SORCS1: variants seen among roughly 807,000 people sequenced by gnomAD.
SORCS1 encodes the protein sortilin related VPS10 domain containing receptor 1.
SORCS1 carries 60 observed loss-of-function variants against 146.1 expected under a neutral mutation model. The ratio of observed to expected loss-of-function variants is 0.41; its 90% CI spans 0.33 to 0.51. SORCS1 has a LOEUF of 0.51. SORCS1 is among the 20% of genes least tolerant of loss of function. The pLI, the probability that SORCS1 is intolerant of heterozygous loss-of-function variation, is 0.21. For synonymous variants in SORCS1, 637 were observed against 584.0 expected, an observed-to-expected ratio of 1.09 and a Z score of -1.31; for missense variants, 1,352 against 1,487.6, an observed-to-expected ratio of 0.91 and a Z score of 1.50.
At chr10:106,583,750 C>T (rs1199268616) in intron 24 of SORCS1, among the ~76,000 whole-genome samples, 1 of 151,888 alleles carries the variant, frequency 6.6e-6, no homozygotes, top group Non-Finnish European at 1.5e-5. Flanking sequence ...CTTGAGTGAT[C>T]CACCCGCCTT....
chr10:107,016,142 G>A (rs570573847), intron 1 of SORCS1, among the ~76,000 whole-genome samples: 4 of 152,286 alleles, frequency 2.6e-5, no homozygotes, highest in Admixed American at 1.3e-4. Flanking sequence ...CAGTATGGAA[G>A]AATAGACAAA....
intron 2 of SORCS1, among the ~76,000 whole-genome samples, chr10:106,875,306 T>A (rs1217219801): frequency 6.6e-6 from 1 of 152,260 alleles, no homozygotes; most frequent in Non-Finnish European, 1.5e-5. Flanking sequence ...TTCCTTTTTA[T>A]GGCTGAATAG....
chr10:106,726,537 G>A (rs1856205436), intron 6 of SORCS1, among the ~76,000 whole-genome samples: 1 of 151,984 alleles, frequency 6.6e-6, no homozygotes, highest in South Asian at 2.1e-4. Flanking sequence ...AGAGAGTGAT[G>A]GCCTCATTGT....
In SORCS1 at chr10:106,960,685, G is replaced by A. The variant is rs2139054580; in HGVS notation, c.559-4105C>T. ...CAAAGTGCTGGGATTACAGGCGTGAGCCACTGCGCCCAGCCAGTCCATACT... is the reference window on the plus strand; with the variant it reads ...CAAAGTGCTGGGATTACAGGCGTGAACCACTGCGCCCAGCCAGTCCATACT... On this transcript the variant is annotated intron_variant, in intron 1 of 25. Coordinates refer to ENST00000263054, the MANE Select transcript of SORCS1 (RefSeq NM_052918.5). This position sits in a 1 kb window ranked among gnomAD's most constrained non-coding sequence, Gnocchi z 4.4. 6.6e-6 allele frequency among the ~76,000 whole-genome samples: 1 copy of A among 152,292 alleles called. No homozygotes were observed.
At chr10:106,897,378 A>G (rs1951530859) in intron 2 of SORCS1, among the ~76,000 whole-genome samples, 1 of 152,066 alleles carries the variant, frequency 6.6e-6, no homozygotes, top group African/African-American at 2.4e-5. Context: ...AGGTTTTTAG[A>G]ATTTATTGTC....
rs1033642096 is a variant in SORCS1 at position 106,673,054 on chromosome 10, A to G, written c.1941-69T>C. On this transcript the variant is annotated intron_variant, in intron 14 of 25. Coordinates refer to ENST00000263054, the MANE Select transcript of SORCS1 (RefSeq NM_052918.5). ...GTAATGAGTAATAACAACAGAGAGC[A>G]TTTGTGGGGCGTTCACCCTGAGCTA... The G allele has an allele frequency of 7.8e-6, 10 of 1,278,398 alleles. No homozygotes were observed. In the African/African-American group the frequency reaches 1.3e-4, roughly 17 times the overall value. 79.2% of individuals were successfully genotyped at this position (1,278,398 alleles called of 1,614,324 possible). A position where few individuals can be genotyped will look rare whatever the true frequency, so the allele number is the denominator to read the frequency against.
At chr10:106,713,803 C>T (rs1855167120) in intron 6 of SORCS1, among the ~76,000 whole-genome samples, 1 of 152,066 alleles carries the variant, frequency 6.6e-6, no homozygotes, top group South Asian at 2.1e-4. Context: ...AGTTTGGGGC[C>T]AATTTTTGTT....
chr10:106,673,234 C>A (rs902754838), intron 14 of SORCS1, among the ~76,000 whole-genome samples: 1 of 151,432 alleles, frequency 6.6e-6, no homozygotes, highest in Admixed American at 6.6e-5. Flanking sequence ...CTGGTTCAAG[C>A]AATTCTCCTG....
intron 21 of SORCS1, among the ~76,000 whole-genome samples, chr10:106,614,933 G>C (rs1847254992): frequency 6.6e-6 from 1 of 152,152 alleles, no homozygotes; most frequent in Non-Finnish European, 1.5e-5. Context: ...GAGCAAATTA[G>C]AAGAAACAAT....
chr10:107,032,373 A>C (rs901494269), intron 1 of SORCS1, among the ~76,000 whole-genome samples: 1 of 152,258 alleles, frequency 6.6e-6, no homozygotes, highest in East Asian at 1.9e-4. Flanking sequence ...CGCAGTGTTC[A>C]TTGTCCATGT....
chr10:107,096,087 G>A (rs1316119075), intron 1 of SORCS1, among the ~76,000 whole-genome samples: 2 of 152,110 alleles, frequency 1.3e-5, no homozygotes, highest in Non-Finnish European at 2.9e-5. Context: ...AGATTACACA[G>A]CACTAAGTGG....
intron 1 of SORCS1, among the ~76,000 whole-genome samples, chr10:107,017,386 A>G (rs1370744523): frequency 2.0e-5 from 3 of 152,234 alleles, no homozygotes; most frequent in Admixed American, 2.0e-4. Flanking sequence ...GTCTGTGCAA[A>G]CAAAACAAAA....
intron 2 of SORCS1, among the ~76,000 whole-genome samples, chr10:106,832,526 C>T (rs1413627816): frequency 6.6e-6 from 1 of 151,958 alleles, no homozygotes; most frequent in African/African-American, 2.4e-5. Context: ...TTTTTCCATT[C>T]TTATCTTAAC....
intron 2 of SORCS1, among the ~76,000 whole-genome samples, chr10:106,894,026 A>C (rs1373819596): frequency 6.6e-6 from 1 of 152,198 alleles, no homozygotes; most frequent in African/African-American, 2.4e-5. Flanking sequence ...AGCTTCTTAA[A>C]AGAAAAAAAA....
intron 24 of SORCS1, among the ~76,000 whole-genome samples, chr10:106,588,874 A>G (rs1453801624): frequency 2.7e-5 from 4 of 150,454 alleles, no homozygotes; most frequent in Admixed American, 2.0e-4. Flanking sequence ...AAAAAAAAAA[A>G]AAAAAAAAAA....
intron 18 of SORCS1, among the ~76,000 whole-genome samples, chr10:106,640,010 C>T (rs1160408773): frequency 6.9e-6 from 1 of 145,006 alleles, no homozygotes; most frequent in Admixed American, 6.9e-5. Context: ...GGGTGTGTCT[C>T]AAAAAAAAAA....
chr10:106,806,758 G>A (rs1384857686), intron 3 of SORCS1, among the ~76,000 whole-genome samples: 1 of 151,760 alleles, frequency 6.6e-6, no homozygotes, highest in Non-Finnish European at 1.5e-5. Flanking sequence ...CTCGTGATCA[G>A]CCCACCCTGG....
chr10:106,869,308 T>G (rs1422905320), intron 2 of SORCS1, among the ~76,000 whole-genome samples: 2 of 152,102 alleles, frequency 1.3e-5, no homozygotes, highest in Non-Finnish European at 2.9e-5. Context: ...TCCAGAAAAC[T>G]GAAGAGAAGG....
intron 1 of SORCS1, among the ~76,000 whole-genome samples, chr10:106,997,461 C>T (rs978424232): frequency 7.9e-5 from 12 of 152,284 alleles, no homozygotes; most frequent in African/African-American, 2.9e-4. Context: ...ACTTATGCTG[C>T]TACAGAACAA....
Sources: gnomAD v4.1 joint callset for allele counts (sites outside exome capture counted in the v4.1 genomes callset) on GRCh38, gnomAD v4.1.1 for gene constraint, Gnocchi (gnomAD v3.1) non-coding constraint, MANE v1.5 for transcripts, NCBI Gene and HGNC (gene_info 2026-07-23, HGNC 2026-07-21) for gene names.